CDH18: variants seen among roughly 807,000 people sequenced by gnomAD.
The protein encoded by CDH18 is cadherin 18.
A neutral mutation model predicts 67.9 loss-of-function variants in CDH18; 31 were observed. The ratio of observed to expected loss-of-function variants is 0.46; its 90% CI spans 0.34 to 0.62. The LOEUF (loss-of-function observed/expected upper bound fraction) is 0.62. Among genes scored for constraint, CDH18 ranks in the 20% least tolerant of loss-of-function variants. The pLI is 0.01. For synonymous variants in CDH18, 362 were observed against 347.2 expected, an observed-to-expected ratio of 1.04 and a Z score of -0.48; for missense variants, 890 against 975.5, an observed-to-expected ratio of 0.91 and a Z score of 1.17.
intron 2 of CDH18, among the ~76,000 whole-genome samples, chr5:20,243,489 CAA>C (rs1201888322): frequency 6.6e-5 from 10 of 151,912 alleles, no homozygotes; most frequent in African/African-American, 2.4e-4. Flanking sequence ...CACTAGAAAA[CAA>C]AGACATTTTT....
At chr5:20,476,223 A>T (rs1038395594) in intron 1 of CDH18, among the ~76,000 whole-genome samples, 1 of 152,184 alleles carries the variant, frequency 6.6e-6, no homozygotes. Context: ...CATAGTAAGC[A>T]TAGTACCAGG....
At chr5:20,088,220 C>T (rs115422424) in intron 2 of CDH18, among the ~76,000 whole-genome samples, 4 of 152,180 alleles carry the variant, frequency 2.6e-5, no homozygotes, top group Non-Finnish European at 5.9e-5. Context: ...AGCCACTATA[C>T]TTGGTATTTT....
chr5:20,184,770 G>A (rs960196591), intron 2 of CDH18, among the ~76,000 whole-genome samples: 2 of 152,068 alleles, frequency 1.3e-5, no homozygotes, highest in Admixed American at 6.6e-5. Context: ...ATCAGAAAAT[G>A]AATGTGAATA....
chr5:20,104,549 C>T (rs564788141), intron 2 of CDH18, among the ~76,000 whole-genome samples: 1 of 152,224 alleles, frequency 6.6e-6, no homozygotes, highest in South Asian at 2.1e-4. Flanking sequence ...CAAAATAAAA[C>T]AACTAGTTTT....
At chr5:20,063,489 T>A (rs983458033) in intron 2 of CDH18, among the ~76,000 whole-genome samples, 2 of 152,194 alleles carry the variant, frequency 1.3e-5, no homozygotes, top group Middle Eastern at 3.4e-3. Flanking sequence ...AGAATCAACA[T>A]TGCACCCTGG....
rs747041920 is a variant in CDH18, at chr5:19,853,445, C to CA, written c.-256-14204dup. ...TGGGCATATACATTTGTGGAAAACA[C>CA]AAACACTCAGTCCATAATGAGACGT... On this transcript the variant is annotated intron_variant, in intron 2 of 12. Transcript: ENST00000382275. Among the ~76,000 whole-genome samples, 3 of 152,144 alleles carry CA rather than the reference C, an allele frequency of 2.0e-5. No individual in the cohort carries two copies. In the South Asian group the frequency reaches 6.2e-4, roughly 32 times the overall value.
At chr5:20,357,206 T>A (rs1040995942) in intron 1 of CDH18, among the ~76,000 whole-genome samples, 9 of 152,146 alleles carry the variant, frequency 5.9e-5, no homozygotes, top group South Asian at 2.1e-4. Flanking sequence ...AGATCTTTAA[T>A]GTGATTCCAA....
intron 2 of CDH18, among the ~76,000 whole-genome samples, chr5:20,109,414 C>A (rs1412839326): frequency 6.6e-6 from 1 of 152,188 alleles, no homozygotes; most frequent in African/African-American, 2.4e-5. Context: ...ACAGCAAAGA[C>A]TGAAGGATAA....
At chr5:20,139,213 G>A (rs1580330935) in intron 2 of CDH18, among the ~76,000 whole-genome samples, 1 of 152,066 alleles carries the variant, frequency 6.6e-6, no homozygotes, top group East Asian at 1.9e-4. Flanking sequence ...CAAGAAATGG[G>A]GAAAGGATTC....
chr5:19,892,859 T>TA (rs1788926694), intron 2 of CDH18, among the ~76,000 whole-genome samples: 1 of 152,212 alleles, frequency 6.6e-6, no homozygotes, highest in South Asian at 2.1e-4. Flanking sequence ...ACCACCCACT[T>TA]ACGTGGCTTC....
chr5:19,615,724 C>G (rs888967787), intron 5 of CDH18, among the ~76,000 whole-genome samples: 1 of 152,098 alleles, frequency 6.6e-6, no homozygotes, highest in South Asian at 2.1e-4. Flanking sequence ...CTGGCAACCA[C>G]GAATCTTTTT....
intron 2 of CDH18, among the ~76,000 whole-genome samples, chr5:19,941,916 A>G (rs1794864257): frequency 6.6e-6 from 1 of 152,192 alleles, no homozygotes; most frequent in Non-Finnish European, 1.5e-5. Flanking sequence ...AACTGAGACT[A>G]AAGTGAATGT....
chr5:19,923,793 G>A (rs987432200), intron 2 of CDH18, among the ~76,000 whole-genome samples: 5 of 152,138 alleles, frequency 3.3e-5, no homozygotes, highest in Non-Finnish European at 7.3e-5. Context: ...AAAGGATTTC[G>A]TATTATATCA....
chr5:19,481,156 A>T (rs1468275546), intron 12 of CDH18, among the ~76,000 whole-genome samples: 2 of 152,080 alleles, frequency 1.3e-5, no homozygotes, highest in Non-Finnish European at 2.9e-5. Context: ...GTCCTCTGCT[A>T]TCTCATCCTT....
At chr5:19,660,214 T>C (rs1756971616) in intron 5 of CDH18, among the ~76,000 whole-genome samples, 1 of 152,114 alleles carries the variant, frequency 6.6e-6, no homozygotes. Context: ...AGTGAAACAC[T>C]GAGAATGAAT....
chr5:20,423,068 C>T (rs1485151005), intron 1 of CDH18, among the ~76,000 whole-genome samples: 1 of 151,052 alleles, frequency 6.6e-6, no homozygotes. Flanking sequence ...AAACACTAAG[C>T]ACAGATAAAG....
intron 1 of CDH18, among the ~76,000 whole-genome samples, chr5:20,407,734 A>T (rs56312435): frequency 8.6e-4 from 119 of 138,536 alleles, no homozygotes; most frequent in African/African-American, 3.3e-3. Context: ...TTTTTTTTTT[A>T]AAAAACTTGA....
chr5:19,565,014 A>G (rs750334208), intron 8 of CDH18, among the ~76,000 whole-genome samples: 2 of 151,928 alleles, frequency 1.3e-5, no homozygotes, highest in Non-Finnish European at 2.9e-5. Flanking sequence ...GTGTCAGCTC[A>G]GCCACAGTAG....
intron 5 of CDH18, among the ~76,000 whole-genome samples, chr5:19,637,698 C>T (rs1753364236): frequency 6.6e-6 from 1 of 152,130 alleles, no homozygotes; most frequent in African/African-American, 2.4e-5. Context: ...CTTATCCCGG[C>T]CTGCCTGTAG....
Sources: allele counts gnomAD v4.1 joint callset (sites outside exome capture counted in the v4.1 genomes callset), GRCh38; gene constraint gnomAD v4.1.1; transcripts MANE v1.5; gene names NCBI Gene and HGNC (gene_info 2026-07-23, HGNC 2026-07-21).